Variants in DLG2 observed in about 807,000 individuals in gnomAD.
The protein encoded by DLG2 is disks large homolog 2.
DLG2 carries 45 observed loss-of-function variants against 132.5 expected under a neutral mutation model. The ratio of observed to expected loss-of-function variants is 0.34; its 90% CI spans 0.27 to 0.44. DLG2 has a LOEUF of 0.44. Ranked by LOEUF, DLG2 falls within the 20% of genes least tolerant of loss-of-function variation. The pLI, the probability that DLG2 is intolerant of heterozygous loss-of-function variation, is 1.00. For synonymous variants in DLG2, 424 were observed against 419.6 expected, an observed-to-expected ratio of 1.01 and a Z score of -0.13; for missense variants, 1,045 against 1,196.9, an observed-to-expected ratio of 0.87 and a Z score of 1.87.
chr11:83,824,536 T>C (rs1302396458), intron 17 of DLG2, among the ~76,000 whole-genome samples: 1 of 152,172 alleles, frequency 6.6e-6, no homozygotes, highest in African/African-American at 2.4e-5. Flanking sequence ...TTCTGGAGAT[T>C]ATGACAGAAT....
At position 84,956,965 on chromosome 11, in the gene DLG2, A is replaced by G. The variant is rs139442942; in HGVS notation, c.357+154696T>C. Among the ~76,000 whole-genome samples the G allele has an allele frequency of 2.2e-4, 33 of 152,328 alleles. 1 individual carries two copies. In the East Asian group the frequency reaches 6.2e-3, roughly 28 times the overall value. On this transcript the variant is annotated intron_variant, in intron 6 of 27. Coordinates refer to ENST00000376104, the MANE Select transcript of DLG2 (RefSeq NM_001142699.3). ...AAGGAAATAAGAAATATTTTCATAT[A>G]TCTTTGTAGTGAAGTTCATATATTA...
At chr11:85,060,719 T>A (rs919006278) in intron 6 of DLG2, among the ~76,000 whole-genome samples, 1 of 151,758 alleles carries the variant, frequency 6.6e-6, no homozygotes, top group Non-Finnish European at 1.5e-5. Flanking sequence ...GTGGGTCATA[T>A]GAAAATTAAA....
chr11:84,663,355 C>G (rs901162828), intron 6 of DLG2, among the ~76,000 whole-genome samples: 2 of 151,868 alleles, frequency 1.3e-5, no homozygotes, highest in African/African-American at 4.8e-5. Context: ...TGACCCAAGG[C>G]TGGATCAAAG....
intron 19 of DLG2, among the ~76,000 whole-genome samples, chr11:83,568,192 A>T (rs1331608874): frequency 2.6e-5 from 4 of 152,112 alleles, no homozygotes; most frequent in Non-Finnish European, 4.4e-5. Context: ...CATGGGGATG[A>T]GTATTTGAGA....
chr11:83,898,197 A>T (rs2072336300), intron 15 of DLG2, among the ~76,000 whole-genome samples: 1 of 152,184 alleles, frequency 6.6e-6, no homozygotes, highest in Non-Finnish European at 1.5e-5. Flanking sequence ...ATTATAAACT[A>T]AACATAAATA....
chr11:85,042,394 C>T (rs2061951500), intron 6 of DLG2, among the ~76,000 whole-genome samples: 1 of 152,014 alleles, frequency 6.6e-6, no homozygotes, highest in South Asian at 2.1e-4. Flanking sequence ...GTACTAGGCA[C>T]TACACTAAGT....
At chr11:84,422,351 AT>A (rs1330024828) in intron 7 of DLG2, among the ~76,000 whole-genome samples, 1 of 152,196 alleles carries the variant, frequency 6.6e-6, no homozygotes, top group Non-Finnish European at 1.5e-5. Flanking sequence ...TGATGTTTTA[AT>A]AGCCTACCGC....
chr11:85,207,429 T>C (rs757158787), intron 4 of DLG2, among the ~76,000 whole-genome samples: 8 of 152,198 alleles, frequency 5.3e-5, no homozygotes, highest in Non-Finnish European at 7.3e-5. Context: ...TTTCAAGCTG[T>C]AATGCAAAAA....
chr11:84,650,871 G>GTATATATATATATATATA (rs1398321637), intron 6 of DLG2, among the ~76,000 whole-genome samples: 32 of 124,586 alleles, frequency 2.6e-4, no homozygotes, highest in African/African-American at 1.1e-3. Flanking sequence ...GTGTGTGTGT[G>GTATATATATATATATATA]TGTATATATA....
At chr11:84,572,624 C>G (rs2099488164) in intron 6 of DLG2, among the ~76,000 whole-genome samples, 1 of 152,028 alleles carries the variant, frequency 6.6e-6, no homozygotes. Context: ...CACTAGGGGC[C>G]CTAAAAGATT....
intron 6 of DLG2, among the ~76,000 whole-genome samples, chr11:84,722,161 G>T (rs2061911068): frequency 6.6e-6 from 1 of 152,126 alleles, no homozygotes; most frequent in Non-Finnish European, 1.5e-5. Flanking sequence ...AGATTTATTT[G>T]GGAAGGACCA....
At chr11:84,402,359 T>C (rs1302243234) in intron 7 of DLG2, among the ~76,000 whole-genome samples, 2 of 152,206 alleles carry the variant, frequency 1.3e-5, no homozygotes, top group Non-Finnish European at 2.9e-5. Context: ...GGTTAAGATC[T>C]GGAGTCAAGA....
At chr11:84,297,333 C>A (rs2098104729) in intron 7 of DLG2, among the ~76,000 whole-genome samples, 1 of 152,030 alleles carries the variant, frequency 6.6e-6, no homozygotes, top group Non-Finnish European at 1.5e-5. Flanking sequence ...GGAGTTCAAA[C>A]ATTGCTGCAA....
intron 6 of DLG2, among the ~76,000 whole-genome samples, chr11:85,092,567 AGGGAT>A (rs2068957315): frequency 6.6e-6 from 1 of 152,146 alleles, no homozygotes; most frequent in Admixed American, 6.6e-5. Flanking sequence ...ATGAACACTT[AGGGAT>A]ACTAAAGACA....
At chr11:85,349,231 C>G (rs2083092220) in intron 3 of DLG2, among the ~76,000 whole-genome samples, 1 of 151,920 alleles carries the variant, frequency 6.6e-6, no homozygotes, top group Admixed American at 6.6e-5. Flanking sequence ...AAACAGAGAC[C>G]TTAACTCTAA....
chr11:84,991,657 A>G (rs2057140052), intron 6 of DLG2, among the ~76,000 whole-genome samples: 2 of 152,050 alleles, frequency 1.3e-5, no homozygotes, highest in East Asian at 1.9e-4. Context: ...GGTGATGAAA[A>G]TGTTCTGTAT....
chr11:85,430,878 A>G (rs977571881), intron 3 of DLG2, among the ~76,000 whole-genome samples: 4 of 150,722 alleles, frequency 2.7e-5, no homozygotes, highest in Non-Finnish European at 5.9e-5. Context: ...CAGCTGAGGC[A>G]CAAGAATCAC....
At position 84,293,128 on chromosome 11, in the gene DLG2, AGT is replaced by A. The variant is rs148952296; in HGVS notation, c.520-41839_520-41838del. On this transcript the variant is annotated intron_variant, in intron 7 of 27. Transcript: ENST00000376104. ...AGGATCTTAAGCAGAATGACAAGGC[AGT>A]GTGTGTGTGTGTCGGGTGTGGGGGT... 3.3e-5 allele frequency among the ~76,000 whole-genome samples: 5 copies of A among 151,410 alleles called. 1 individual carries two copies. Among genetic ancestry groups the A allele is most frequent in the African/African-American group, 9.7e-5 (4 of 41,336 alleles).
At chr11:85,284,744 C>G (rs1477891424) in intron 4 of DLG2, among the ~76,000 whole-genome samples, 4 of 150,990 alleles carry the variant, frequency 2.6e-5, no homozygotes. Context: ...ATAAGTTACC[C>G]AAATATAGAA....
Sources: allele counts gnomAD v4.1 joint callset (sites outside exome capture counted in the v4.1 genomes callset), GRCh38; gene constraint gnomAD v4.1.1; transcripts MANE v1.5; gene names NCBI Gene and HGNC (gene_info 2026-07-23, HGNC 2026-07-21).